C8orf34: variants seen among roughly 807,000 people sequenced by gnomAD.
C8orf34 encodes chromosome 8 open reading frame 34.
A neutral mutation model predicts 68.3 loss-of-function variants in C8orf34; 65 were observed. The observed-to-expected ratio is 0.95, with a 90% CI of 0.78 to 1.17. The LOEUF (loss-of-function observed/expected upper bound fraction) is 1.17. Ranked by LOEUF, C8orf34 falls within the 50% of genes most tolerant of loss-of-function variation. The pLI, the probability that C8orf34 is intolerant of heterozygous loss-of-function variation, is 0.00. For missense variants in C8orf34, 664 were observed against 655.4 expected (o/e 1.01, Z -0.14); for synonymous variants, 244 against 241.2 (o/e 1.01, Z -0.11).
intron 10 of C8orf34, among the ~76,000 whole-genome samples, chr8:68,753,118 A>G (rs1263041069): frequency 2.0e-5 from 3 of 152,210 alleles, no homozygotes; most frequent in Admixed American, 2.0e-4. Flanking sequence ...AGAAAATGAC[A>G]GCATATTTTA....
intron 8 of C8orf34, among the ~76,000 whole-genome samples, chr8:68,641,863 C>A (rs1428289058): frequency 6.6e-6 from 1 of 152,106 alleles, no homozygotes; most frequent in Non-Finnish European, 1.5e-5. Flanking sequence ...CATTTAAAGT[C>A]AGAACTTAAC....
At chr8:68,426,325 C>T (rs1347519963) in intron 1 of C8orf34, among the ~76,000 whole-genome samples, 1 of 151,832 alleles carries the variant, frequency 6.6e-6, no homozygotes, top group Non-Finnish European at 1.5e-5. Flanking sequence ...GAAGACCAGC[C>T]TGGCCAACAT....
rs573468530 is a variant in C8orf34 at position 68,545,948 on chromosome 8, T to C, written c.1105+12799T>C. On this transcript the variant is annotated intron_variant, in intron 7 of 13. Transcript: ENST00000518698. ...GATAAAACAGCACAAAGAATGATAG[T>C]AAATGAAATTACAGTGCTAAAGCTT... Among the ~76,000 whole-genome samples the C allele has an allele frequency of 2.4e-4, 37 of 152,194 alleles. 1 individual carries two copies. In the South Asian group the frequency reaches 7.2e-3, roughly 30 times the overall value.
At chr8:68,533,822 G>A in intron 7 of C8orf34, 2 of 981,548 alleles carry the variant, frequency 2.0e-6, no homozygotes, top group African/African-American at 3.5e-5. Context: ...TCTGAAGAAA[G>A]AAAATGAAAT....
At chr8:68,479,767 A>G (rs529406730) in intron 4 of C8orf34, among the ~76,000 whole-genome samples, 40 of 152,190 alleles carry the variant, frequency 2.6e-4, no homozygotes, top group Non-Finnish European at 5.1e-4. Context: ...AGAGATGGGT[A>G]GAGGGGCCTG....
intron 1 of C8orf34, among the ~76,000 whole-genome samples, chr8:68,427,808 A>G (rs879268126): frequency 4.6e-5 from 7 of 151,978 alleles, no homozygotes; most frequent in Non-Finnish European, 5.9e-5. Flanking sequence ...GCTGAAATGT[A>G]TATGGAACCC....
chr8:68,743,542 G>C (rs79874726), intron 10 of C8orf34, among the ~76,000 whole-genome samples: 3 of 152,188 alleles, frequency 2.0e-5, no homozygotes, highest in African/African-American at 7.2e-5. Flanking sequence ...TGCGCAAGCC[G>C]AACCAGGGCG....
intron 1 of C8orf34, among the ~76,000 whole-genome samples, chr8:68,367,912 G>GAAAAAAAAAAAAAAA (rs61562318): frequency 3.4e-3 from 266 of 79,110 alleles, no homozygotes; most frequent in East Asian, 0.012. Flanking sequence ...AAAAAGAAAA[G>GAAAAAAAAAAAAAAA]AAAAAAAAAA....
At chr8:68,608,425 A>G (rs141666808) in intron 7 of C8orf34, among the ~76,000 whole-genome samples, 1 of 152,148 alleles carries the variant, frequency 6.6e-6, no homozygotes, top group African/African-American at 2.4e-5. Flanking sequence ...AATTTTGGAT[A>G]GAATTTCTCT....
intron 10 of C8orf34, among the ~76,000 whole-genome samples, chr8:68,766,950 G>A (rs1466677013): frequency 6.6e-6 from 1 of 152,156 alleles, no homozygotes; most frequent in Non-Finnish European, 1.5e-5. Flanking sequence ...TTGGGAGGCT[G>A]AGGTGTGCGG....
At chr8:68,536,558 C>T (rs905889599) in intron 7 of C8orf34, among the ~76,000 whole-genome samples, 11 of 151,660 alleles carry the variant, frequency 7.3e-5, no homozygotes, top group South Asian at 2.1e-4. Context: ...GTTTCAGTCA[C>T]GTTTTTGATT....
At chr8:68,620,066 C>T (rs1818343622) in intron 7 of C8orf34, among the ~76,000 whole-genome samples, 1 of 152,036 alleles carries the variant, frequency 6.6e-6, no homozygotes. Context: ...AGCTCTTGGG[C>T]CATTGATTTC....
In C8orf34 at chr8:68,331,084, C is replaced by T; in HGVS notation, c.72C>T (p.Pro24=). The T allele has an allele frequency of 1.3e-6, 2 of 1,490,958 alleles. No homozygotes were observed. The highest frequency in any genetic ancestry group is 1.8e-6 in the Non-Finnish European group (2 of 1,130,592). 92.4% of individuals were successfully genotyped at this position (1,490,958 alleles called of 1,614,324 possible). A position where few individuals can be genotyped will look rare whatever the true frequency, so the allele number is the denominator to read the frequency against. The change falls in exon 1 of 14, where the codon CCC becomes CCT. Residue 24 remains proline (P), a synonymous_variant. Coordinates refer to ENST00000518698, the MANE Select transcript of C8orf34 (RefSeq NM_052958.4). ...GCCCAGGCTTCCGGCTCTCAGCGCC[C>T]CACGCGCGCGTGGCTCCCCGGGCTG... is the stretch of plus-strand genomic sequence containing the variant. ...ALRPGFRLSA[P]HARVAPRAAT...
At chr8:68,406,844 G>T (rs367724689) in intron 1 of C8orf34, among the ~76,000 whole-genome samples, 8 of 152,226 alleles carry the variant, frequency 5.3e-5, no homozygotes, top group Admixed American at 3.3e-4. Flanking sequence ...GATCCTAAAT[G>T]GATTACAAAG....
intron 7 of C8orf34, among the ~76,000 whole-genome samples, chr8:68,563,475 G>A (rs1816493944): frequency 6.6e-6 from 1 of 152,084 alleles, no homozygotes; most frequent in African/African-American, 2.4e-5. Flanking sequence ...GCCAGTGGAA[G>A]TTTAAAATAA....
At chr8:68,345,557 G>A (rs1806244085) in intron 1 of C8orf34, among the ~76,000 whole-genome samples, 1 of 151,696 alleles carries the variant, frequency 6.6e-6, no homozygotes, top group South Asian at 2.1e-4. Flanking sequence ...AAAAATACAA[G>A]GAAGAATCAA....
chr8:68,816,777 A>C (rs953174747), intron 13 of C8orf34, among the ~76,000 whole-genome samples: 1 of 152,182 alleles, frequency 6.6e-6, no homozygotes, highest in African/African-American at 2.4e-5. Flanking sequence ...ATTGCCATAC[A>C]TTTTATAATA....
chr8:68,797,944 G>A (rs1824224737), intron 12 of C8orf34, among the ~76,000 whole-genome samples: 1 of 151,950 alleles, frequency 6.6e-6, no homozygotes, highest in African/African-American at 2.4e-5. Flanking sequence ...AATATTTGTA[G>A]AGAAAAGACA....
At chr8:68,396,284 A>G (rs1808703575) in intron 1 of C8orf34, among the ~76,000 whole-genome samples, 1 of 152,096 alleles carries the variant, frequency 6.6e-6, no homozygotes, top group Non-Finnish European at 1.5e-5. Context: ...TTTAAAATTT[A>G]TAATATTTCC....
Sources: gnomAD v4.1 joint callset for allele counts (sites outside exome capture counted in the v4.1 genomes callset) on GRCh38, gnomAD v4.1.1 for gene constraint, MANE v1.5 for transcripts, NCBI Gene and HGNC (gene_info 2026-07-23, HGNC 2026-07-21) for gene names.